The following PLEKHA6 variants were observed in gnomAD, a reference collection of about 807,000 sequenced individuals.
PLEKHA6 encodes pleckstrin homology domain-containing family A member 6.
In PLEKHA6, 60 loss-of-function variants were observed where a neutral mutation model predicts 116.7. That is an observed-to-expected ratio of 0.51 (90% CI 0.42 to 0.64). The LOEUF is 0.64. PLEKHA6 is among the 30% of genes least tolerant of loss of function. PLEKHA6 has a pLI of 0.00. For synonymous variants in PLEKHA6, 489 were observed against 556.1 expected, an observed-to-expected ratio of 0.88 and a Z score of 1.70; for missense variants, 1,338 against 1,422.7, an observed-to-expected ratio of 0.94 and a Z score of 0.96.
chr1:204,356,029 C>T lies in PLEKHA6; in HGVS notation c.-95+3665G>A, dbSNP rs145799433. 3.5e-3 allele frequency among the ~76,000 whole-genome samples: 530 copies of T among 151,608 alleles called. 5 individuals carry two copies. The highest frequency in any genetic ancestry group is 0.012 in the African/African-American group (477 of 41,268). On this transcript the variant is annotated intron_variant, in intron 1 of 22. Transcript: ENST00000272203. The stretch of plus-strand genomic sequence containing the variant: ...AAAAATCCATTCTCAGACACAGCTG[C>T]GAGGAATGTAAATTAGTGCTTTTGA...
At chr1:204,283,438 T>C (rs1668846125) in intron 1 of PLEKHA6, among the ~76,000 whole-genome samples, 1 of 152,218 alleles carries the variant, frequency 6.6e-6, no homozygotes, top group African/African-American at 2.4e-5. Flanking sequence ...AGAAAGGTTA[T>C]GATGCTCTGA....
intron 1 of PLEKHA6, among the ~76,000 whole-genome samples, chr1:204,356,298 T>C (rs369730929): frequency 2.0e-5 from 3 of 152,112 alleles, no homozygotes; most frequent in East Asian, 1.9e-4. Flanking sequence ...AAAGGCCAGG[T>C]GTGGTGGTTC....
At chr1:204,226,285 C>A (rs931765195) in intron 21 of PLEKHA6, among the ~76,000 whole-genome samples, 1 of 152,126 alleles carries the variant, frequency 6.6e-6, no homozygotes. Context: ...GCAAGGTGAC[C>A]GTTTGGTTTC....
At chr1:204,322,178 G>A (rs1672086566) in intron 1 of PLEKHA6, among the ~76,000 whole-genome samples, 1 of 151,384 alleles carries the variant, frequency 6.6e-6, no homozygotes. Flanking sequence ...TATCAATACA[G>A]AGGCAGCAGA....
chr1:204,271,499 T>C lies in PLEKHA6; in HGVS notation c.102+2127A>G, dbSNP rs139695544. Among the ~76,000 whole-genome samples the C allele has an allele frequency of 2.0e-3, 308 of 152,334 alleles. 1 individual carries two copies. The highest frequency in any genetic ancestry group is 6.3e-3 in the African/African-American group (263 of 41,576). ...CACATATAATGACTGAGATTTGCCA[T>C]TGGAAGAAGTCACCACAACCCTATG... On this transcript the variant is annotated intron_variant, in intron 3 of 22. Coordinates refer to ENST00000272203, the MANE Select transcript of PLEKHA6 (RefSeq NM_014935.5).
chr1:204,304,771 A>C (rs1671126961), intron 1 of PLEKHA6, among the ~76,000 whole-genome samples: 2 of 152,252 alleles, frequency 1.3e-5, no homozygotes, highest in African/African-American at 2.4e-5. Flanking sequence ...ATTAAGAGAA[A>C]GATCCTACGC....
intron 1 of PLEKHA6, among the ~76,000 whole-genome samples, chr1:204,322,118 C>T (rs74138376): frequency 0.015 from 2,226 of 152,334 alleles, 62 homozygotes; most frequent in African/African-American, 0.051. Context: ...GTTACTCTGA[C>T]TTCATATATG....
At chr1:204,321,882 G>A (rs1416521481) in intron 1 of PLEKHA6, among the ~76,000 whole-genome samples, 1 of 152,242 alleles carries the variant, frequency 6.6e-6, no homozygotes, top group Non-Finnish European at 1.5e-5. Context: ...AGGCCCAAGT[G>A]GGCCCAGCCT....
At chr1:204,255,044 T>G (rs1227512479) in intron 9 of PLEKHA6, among the ~76,000 whole-genome samples, 1 of 152,208 alleles carries the variant, frequency 6.6e-6, no homozygotes, top group East Asian at 1.9e-4. Context: ...ACTGGGTTGA[T>G]AATACTCCCT....
chr1:204,310,639 G>T (rs192014973), intron 1 of PLEKHA6, among the ~76,000 whole-genome samples: 24 of 152,312 alleles, frequency 1.6e-4, no homozygotes, highest in Non-Finnish European at 3.2e-4. Context: ...ACTATTTATT[G>T]CAATTCCTTG....
chr1:204,259,148 C>A lies in PLEKHA6; in HGVS notation c.1007+110G>T. ...GGATTTGCTTGGTTTCCCAACTCAG[C>A]CTGCTTCCAGAAGGTTTCCAACAGG... is the stretch of plus-strand genomic sequence containing the variant. On this transcript the variant is annotated intron_variant, in intron 8 of 22. Transcript: ENST00000272203. This position sits in a 1 kb window ranked among gnomAD's most constrained non-coding sequence, Gnocchi z 4.6. 1 of 1,297,710 alleles carries A rather than the reference C, an allele frequency of 7.7e-7. No homozygotes were observed. The highest frequency in any genetic ancestry group is 1.0e-6 in the Non-Finnish European group (1 of 954,232). 80.4% of individuals were successfully genotyped at this position (1,297,710 alleles called of 1,614,324 possible). A position where few individuals can be genotyped will look rare whatever the true frequency, so the allele number is the denominator to read the frequency against.
intron 9 of PLEKHA6, among the ~76,000 whole-genome samples, chr1:204,255,279 G>T (rs1412345225): frequency 6.6e-6 from 1 of 152,096 alleles, no homozygotes; most frequent in Admixed American, 6.5e-5. Context: ...GCCCAGCCTA[G>T]AGCTCCCTCG....
intron 1 of PLEKHA6, among the ~76,000 whole-genome samples, chr1:204,311,273 C>T (rs1468343938): frequency 6.6e-6 from 1 of 152,188 alleles, no homozygotes; most frequent in Non-Finnish European, 1.5e-5. Flanking sequence ...AGGCAGATCA[C>T]CTGAGGTCGG....
At chr1:204,360,749 A>T (rs540349025), upstream of PLEKHA6, among the ~76,000 whole-genome samples, 2 of 152,112 alleles carry the variant, frequency 1.3e-5, no homozygotes, top group South Asian at 4.2e-4. Context: ...GCTCCTGCCC[A>T]AATCGGTCTT....
chr1:204,285,401 T>C (rs1669040973), intron 1 of PLEKHA6, among the ~76,000 whole-genome samples: 1 of 149,454 alleles, frequency 6.7e-6, no homozygotes, highest in Non-Finnish European at 1.5e-5. Context: ...AGAATTAATC[T>C]GGACAATCCA....
At chr1:204,347,132 T>G (rs2103343655) in intron 1 of PLEKHA6, 1 of 1,126,200 alleles carries the variant, frequency 8.9e-7, no homozygotes, top group Non-Finnish European at 1.3e-6. Flanking sequence ...CCCATTCCCT[T>G]GATGTCTACA....
intron 1 of PLEKHA6, among the ~76,000 whole-genome samples, chr1:204,294,181 A>T (rs1314616355): frequency 1.3e-5 from 2 of 152,202 alleles, no homozygotes; most frequent in Non-Finnish European, 2.9e-5. Context: ...ATTCCAGGCC[A>T]TCCCAGGAGG....
chr1:204,308,855 A>AT (rs765494359), intron 1 of PLEKHA6, among the ~76,000 whole-genome samples: 83 of 150,616 alleles, frequency 5.5e-4, no homozygotes, highest in Non-Finnish European at 9.6e-4. Context: ...CGCCCGGCTA[A>AT]TTTTTTTGTA....
At chr1:204,237,052 A>C (rs1261456102) in intron 17 of PLEKHA6, among the ~76,000 whole-genome samples, 1 of 152,234 alleles carries the variant, frequency 6.6e-6, no homozygotes, top group Non-Finnish European at 1.5e-5. Context: ...TTCAAGGACT[A>C]CTGGACACTG....
Sources: allele counts gnomAD v4.1 joint callset (sites outside exome capture counted in the v4.1 genomes callset), GRCh38; gene constraint gnomAD v4.1.1; non-coding constraint Gnocchi (gnomAD v3.1); transcripts MANE v1.5; gene names NCBI Gene and HGNC (gene_info 2026-07-23, HGNC 2026-07-21).